The following NOM1 variants were observed in gnomAD, a reference collection of about 807,000 sequenced individuals.
The protein encoded by NOM1 is nucleolar protein with MIF4G domain 1.
Under a neutral mutation model 73.3 loss-of-function variants are expected in NOM1, and 58 were observed. The observed-to-expected ratio is 0.79, with a 90% CI of 0.64 to 0.99. NOM1 has a LOEUF of 0.99. Ranked by LOEUF, NOM1 falls within the 50% of genes least tolerant of loss-of-function variation. The pLI is 0.00. For synonymous variants in NOM1, 487 were observed against 446.8 expected (o/e 1.09, Z -1.14); for missense variants, 1,226 against 1,131.9 (o/e 1.08, Z -1.19).
Position 156,954,229 on chromosome 7 carries a change from C to T in NOM1, c.1239C>T (p.Ala413=), listed in dbSNP as rs757953816. 2 of 1,613,334 alleles carry T rather than the reference C, an allele frequency of 1.2e-6. No homozygotes were observed. The highest frequency in any genetic ancestry group is 2.7e-5 in the African/African-American group (2 of 74,974). ...TGGGTGCCTGCGTCACTGCCTCGGC[C>T]ATGCCCAGCAGACTGATGATGGAGC... is the stretch of plus-strand genomic sequence containing the variant. ...ALMGACVTAS[A]MPSRLMMEHV... The change falls in exon 3 of 11, where the codon GCC becomes GCT. Residue 413 remains alanine (A), a synonymous_variant. Transcript: ENST00000275820.
chr7:156,952,577 A>G lies in NOM1; in HGVS notation c.1091A>G (p.His364Arg). 2 of 1,614,020 alleles carry G rather than the reference A, an allele frequency of 1.2e-6. No individual in the cohort carries two copies. The highest frequency in any genetic ancestry group is 1.7e-6 in the Non-Finnish European group (2 of 1,179,980). The stretch of plus-strand genomic sequence containing the variant: ...GAAGAACTAGAAAGGCTGAAGAAAC[A>G]TGTAAAAGGTCTACTTAACAGGTGA... ...KKEELERLKKHVKGLLNRLSE... is the reference protein window; with the variant it reads ...KKEELERLKKRVKGLLNRLSE... Residue 364 changes from histidine (H) to arginine (R), a missense_variant, in exon 2 of 11, where the codon CAT becomes CGT. By Grantham distance (29) the His-to-Arg change is conservative. Transcript: ENST00000275820.
chr7:156,959,469 C>T, intron 3 of NOM1, among the ~76,000 whole-genome samples: 1 of 152,096 alleles, frequency 6.6e-6, no homozygotes, highest in Non-Finnish European at 1.5e-5. Flanking sequence ...CTTGATATCT[C>T]CTGACCTTGT....
At position 156,950,169 on chromosome 7, in the gene NOM1, G is replaced by A. The variant is rs377438528; in HGVS notation, c.432G>A (p.Pro144=). Reference sequence around the variant, plus strand: ...GGGACCCCTCGCCTCCCAGGAAGCCGCGGCCGTCCCGGGTCAAGGCCAAGG... The same window carrying A: ...GGGACCCCTCGCCTCCCAGGAAGCCACGGCCGTCCCGGGTCAAGGCCAAGG... ...PSRDPSPPRK[P]RPSRVKAKAT... The change falls in exon 1 of 11, where the codon CCG becomes CCA. Residue 144 remains proline, a synonymous_variant. Coordinates refer to ENST00000275820, the MANE Select transcript of NOM1 (RefSeq NM_138400.2). 3.8e-6 allele frequency: 6 copies of A among 1,599,830 alleles called. No homozygotes were observed. The African/African-American group carries it at 4.0e-5, about 11-fold the overall frequency.
At chr7:156,959,494 C>T (rs913540886) in intron 3 of NOM1, among the ~76,000 whole-genome samples, 3 of 152,146 alleles carry the variant, frequency 2.0e-5, no homozygotes, top group East Asian at 1.9e-4. Flanking sequence ...CACCCACCTC[C>T]GCCTCCTAAA....
chr7:156,950,655 G>T lies in NOM1; in HGVS notation c.918G>T (p.Lys306Asn). ...GAGCGCAGGAGAAAAGGAGGGGGAA[G>T]AGAGTCCGTTTTGCAGAAGATGAAG... The part of the protein sequence containing the change: ...EKGAQEKRRG[K>N]RVRFAEDEEK... The change falls in exon 1 of 11, where the codon AAG becomes AAT. Residue 306 changes from lysine to asparagine, a missense_variant. Coordinates refer to ENST00000275820, the MANE Select transcript of NOM1 (RefSeq NM_138400.2). The T allele has an allele frequency of 6.4e-7, 1 of 1,552,148 alleles. No individual in the cohort carries two copies. Among genetic ancestry groups the T allele is most frequent in the Non-Finnish European group, 8.7e-7 (1 of 1,146,752 alleles).
Position 156,969,530 on chromosome 7 carries a change from G to C in NOM1, c.2410G>C (p.Val804Leu), listed in dbSNP as rs2302443. The change falls in exon 11 of 11, where the codon GTA becomes CTA. Residue 804 changes from valine to leucine, a missense_variant and splice_region_variant. Coordinates refer to ENST00000275820, the MANE Select transcript of NOM1 (RefSeq NM_138400.2). ...TGTGTTTATACGATTCCTTTCCAGAGTATCTGACAACCCAAAGCTGGGGGT... is the reference window on the plus strand; with the variant it reads ...TGTGTTTATACGATTCCTTTCCAGACTATCTGACAACCCAAAGCTGGGGGT... Reference protein sequence around the residue: ...VEDLSLIFTRVSDNPKLGVLR... With the variant: ...VEDLSLIFTRLSDNPKLGVLR... The C allele has an allele frequency of 0.54, 866,431 of 1,610,828 alleles. 236,353 individuals carry two copies. The highest frequency in any genetic ancestry group is 0.63 in the Middle Eastern group (3,784 of 6,042).
chr7:156,954,391 G>A (rs2134774573), intron 3 of NOM1, 93 bp downstream of exon 3: 1 of 1,075,812 alleles, frequency 9.3e-7, no homozygotes, highest in Non-Finnish European at 1.3e-6. Context: ...TGTGCTGTGG[G>A]TGGTTCTTGT....
At chr7:156,951,022 C>T (rs1223978039) in intron 1 of NOM1, among the ~76,000 whole-genome samples, 2 of 152,182 alleles carry the variant, frequency 1.3e-5, no homozygotes, top group Non-Finnish European at 2.9e-5. Context: ...ACCTGTTAAC[C>T]CTACCTCATC....
chr7:156,954,891 A>C (rs1308135733), intron 3 of NOM1, among the ~76,000 whole-genome samples: 1 of 152,042 alleles, frequency 6.6e-6, no homozygotes, highest in Admixed American at 6.5e-5. Flanking sequence ...TTTCCTTTGC[A>C]CTTCTCCCTT....
At chr7:156,968,875 G>GC in intron 9 of NOM1, 1 of 501,118 alleles carries the variant, frequency 2.0e-6, no homozygotes. Flanking sequence ...GCTGTGGCCG[G>GC]CCACACCTCT....
chr7:156,962,378 A>G, intron 5 of NOM1, 117 bp downstream of exon 5: 1 of 833,698 alleles, frequency 1.2e-6, no homozygotes, highest in East Asian at 2.5e-5. Flanking sequence ...GGTGAGTGAG[A>G]GTGCTCAGAG....
chr7:156,967,548 C>CG (rs903181303), intron 9 of NOM1, among the ~76,000 whole-genome samples: 6 of 152,050 alleles, frequency 3.9e-5, no homozygotes, highest in African/African-American at 1.4e-4. Flanking sequence ...TTCTTCCCCC[C>CG]CCAAGATGGG....
In NOM1 at chr7:156,969,178, T is replaced by A. The variant is rs1477514776; in HGVS notation, c.2390T>A (p.Leu797His). The A allele has an allele frequency of 1.9e-6, 3 of 1,556,878 alleles. No homozygotes were observed. The highest frequency in any genetic ancestry group is 3.3e-5 in the Admixed American group (2 of 59,890). ...TTAATGGAAACAGAAGTTGAAGACC[T>A]CAGTTTAATTTTCACAAGGTATGTG... Reference protein sequence around the residue: ...ILLMETEVEDLSLIFTRVSDN... With the variant: ...ILLMETEVEDHSLIFTRVSDN... Residue 797 changes from leucine to histidine, a missense_variant, in exon 10 of 11, where the codon CTC (leucine) becomes CAC (histidine). By Grantham distance (99) the Leu-to-His change is moderately conservative (BLOSUM62 -3). Coordinates refer to ENST00000275820, the MANE Select transcript of NOM1 (RefSeq NM_138400.2).
chr7:156,966,918 T>C (rs773519328), intron 8 of NOM1, 43 bp from the exon 9 acceptor site: 16 of 1,575,180 alleles, frequency 1.0e-5, no homozygotes, highest in Middle Eastern at 1.7e-4. Flanking sequence ...TTATAGTAAT[T>C]TGTGGCCGTT....
At chr7:156,955,323 T>C (rs773910468) in intron 3 of NOM1, among the ~76,000 whole-genome samples, 140 of 152,150 alleles carry the variant, frequency 9.2e-4, no homozygotes, top group Non-Finnish European at 1.8e-3. Flanking sequence ...TCCCCCAAGG[T>C]AGCTGATTTC....
In NOM1 at chr7:156,972,174, T is replaced by G. The variant is rs1484061286; in HGVS notation, c.*2471T>G. 1.3e-5 allele frequency: 2 copies of G among 152,278 alleles called. No individual in the cohort carries two copies. Among genetic ancestry groups the G allele is most frequent in the East Asian group, 3.8e-4 (2 of 5,200 alleles). 9.4% of individuals were successfully genotyped at this position (152,278 alleles called of 1,614,324 possible). ...ACGCCTCGGTAGATTTGCATTCTGA[T>G]GCAAGCCCCCAACCTCACGGACCAA... On this transcript the variant is annotated 3_prime_UTR_variant, in exon 11 of 11. Transcript: ENST00000275820.
At position 156,959,874 on chromosome 7, in the gene NOM1, A is replaced by G; in HGVS notation, c.1332A>G (p.Ala444=). 1.2e-6 allele frequency: 2 copies of G among 1,614,194 alleles called. No individual in the cohort carries two copies. Among genetic ancestry groups the G allele is most frequent in the Non-Finnish European group, 1.7e-6 (2 of 1,180,020 alleles). Residue 444 remains alanine (A), a synonymous_variant, in exon 4 of 11, where the codon GCA becomes GCG. Transcript: ENST00000275820. ...AGGTCGGTGCCCACTTTCTGGAGGC[A>G]GTGGTGAGGAAGTTCGATGCCATCT... is the stretch of plus-strand genomic sequence containing the variant. ...GIEVGAHFLE[A]VVRKFDAIYK...
chr7:156,960,601 G>A (rs1804840413), intron 4 of NOM1, among the ~76,000 whole-genome samples: 1 of 152,158 alleles, frequency 6.6e-6, no homozygotes, highest in Non-Finnish European at 1.5e-5. Flanking sequence ...TTCCTGGGAA[G>A]CCGTTTGGGG....
chr7:156,952,441 A>C (rs369095338), intron 1 of NOM1, 33 bp from the exon 2 acceptor site: 10 of 1,595,240 alleles, frequency 6.3e-6, no homozygotes, highest in Admixed American at 3.7e-5. Context: ...GGTCAGTGTA[A>C]ATTTTTTGTA....
Sources: allele counts gnomAD v4.1 joint callset (sites outside exome capture counted in the v4.1 genomes callset), GRCh38; gene constraint gnomAD v4.1.1; transcripts MANE v1.5; gene names NCBI Gene and HGNC (gene_info 2026-07-23, HGNC 2026-07-21).